Variants in ROR2 observed in about 807,000 individuals in gnomAD.
ROR2 encodes the protein tyrosine-protein kinase transmembrane receptor ROR2.
A neutral mutation model predicts 74.9 loss-of-function variants in ROR2; 33 were observed. The observed-to-expected ratio is 0.44, with a 90% CI of 0.33 to 0.59. The LOEUF (loss-of-function observed/expected upper bound fraction) is 0.59, where lower values mean the gene tolerates loss of function less well. Among genes scored for constraint, ROR2 ranks in the 20% least tolerant of loss-of-function variants. ROR2 has a pLI of 0.02. For synonymous variants in ROR2, 586 were observed against 558.7 expected (o/e 1.05, Z -0.69); for missense variants, 1,216 against 1,313.8 (o/e 0.93, Z 1.15).
chr9:91,761,269 T>C (rs1054079429), intron 2 of ROR2, among the ~76,000 whole-genome samples: 4 of 152,212 alleles, frequency 2.6e-5, no homozygotes, highest in Non-Finnish European at 4.4e-5. Context: ...GAAGATAATC[T>C]TTCCATGGCC....
intron 1 of ROR2, among the ~76,000 whole-genome samples, chr9:91,942,734 T>C (rs1831908262): frequency 6.6e-6 from 1 of 152,124 alleles, no homozygotes; most frequent in Non-Finnish European, 1.5e-5. Context: ...CTGGTGTCCT[T>C]ACAATAAAAG....
At chr9:91,889,072 T>C (rs1830358647) in intron 1 of ROR2, among the ~76,000 whole-genome samples, 1 of 152,218 alleles carries the variant, frequency 6.6e-6, no homozygotes, top group South Asian at 2.1e-4. Context: ...AATAGAGAGC[T>C]GGAGCTTCAT....
At chr9:91,758,862 G>A (rs538464037) in intron 2 of ROR2, among the ~76,000 whole-genome samples, 4 of 152,322 alleles carry the variant, frequency 2.6e-5, no homozygotes, top group South Asian at 4.1e-4. Context: ...TCAAGAGGCT[G>A]GAGAACTACT....
chr9:91,901,903 C>G (rs1166579174), intron 1 of ROR2, among the ~76,000 whole-genome samples: 1 of 151,802 alleles, frequency 6.6e-6, no homozygotes, highest in East Asian at 1.9e-4. Flanking sequence ...GTCAGTTGTA[C>G]CTTTGCCAGG....
intron 4 of ROR2, among the ~76,000 whole-genome samples, chr9:91,741,462 G>T (rs2118756136): frequency 6.6e-6 from 1 of 151,920 alleles, no homozygotes; most frequent in East Asian, 1.9e-4. Context: ...CTGGCAAGAT[G>T]GTGGGGATCC....
At chr9:91,912,555 T>A (rs940982371) in intron 1 of ROR2, among the ~76,000 whole-genome samples, 1 of 152,188 alleles carries the variant, frequency 6.6e-6, no homozygotes, top group Non-Finnish European at 1.5e-5. Context: ...ATTAAAAGTA[T>A]GCTTCTGTGT....
At chr9:91,890,151 G>A (rs1283537393) in intron 1 of ROR2, among the ~76,000 whole-genome samples, 1 of 152,186 alleles carries the variant, frequency 6.6e-6, no homozygotes, top group African/African-American at 2.4e-5. Context: ...CCCTCTTTCT[G>A]GAAGAAAGTC....
intron 1 of ROR2, among the ~76,000 whole-genome samples, chr9:91,925,418 A>T (rs1477483682): frequency 6.6e-6 from 1 of 152,036 alleles, no homozygotes; most frequent in East Asian, 1.9e-4. Context: ...TGCTCAGCAC[A>T]AGTGAGCTCA....
At chr9:91,794,881 G>A (rs1022541210) in intron 1 of ROR2, among the ~76,000 whole-genome samples, 5 of 151,982 alleles carry the variant, frequency 3.3e-5, no homozygotes, top group Non-Finnish European at 5.9e-5. Context: ...CAGCACTTTC[G>A]GAGGCCAAGG....
At chr9:91,736,787 G>A (rs1194212919) in intron 5 of ROR2, among the ~76,000 whole-genome samples, 1 of 152,204 alleles carries the variant, frequency 6.6e-6, no homozygotes, top group Non-Finnish European at 1.5e-5. Flanking sequence ...CCAAGGATGA[G>A]CAGCTGCAGT....
At chr9:91,949,714 G>T (rs1211158205) in intron 1 of ROR2, among the ~76,000 whole-genome samples, 153 bp downstream of exon 1, 1 of 151,638 alleles carries the variant, frequency 6.6e-6, no homozygotes, top group Non-Finnish European at 1.5e-5. Context: ...GGCCGGGAGC[G>T]GCGTCGGGCG....
At chr9:91,941,751 A>G (rs10116249) in intron 1 of ROR2, among the ~76,000 whole-genome samples, 73,876 of 141,504 alleles carry the variant, frequency 0.52, 21,344 homozygotes, top group African/African-American at 0.8. Context: ...CTGTCTCCCC[A>G]CCCCGCCCAG....
intron 1 of ROR2, among the ~76,000 whole-genome samples, chr9:91,879,768 G>C (rs1339859069): frequency 6.6e-6 from 1 of 151,842 alleles, no homozygotes; most frequent in South Asian, 2.1e-4. Flanking sequence ...AGCAGACTAA[G>C]TGAACACCTC....
chr9:91,845,426 C>T (rs1357095288), intron 1 of ROR2, among the ~76,000 whole-genome samples: 2 of 152,154 alleles, frequency 1.3e-5, no homozygotes, highest in Non-Finnish European at 2.9e-5. Context: ...ACCATCCCAT[C>T]TAATTCTTAC....
At chr9:91,746,232 A>G (rs1037490318) in intron 4 of ROR2, among the ~76,000 whole-genome samples, 1 of 151,962 alleles carries the variant, frequency 6.6e-6, no homozygotes, top group Non-Finnish European at 1.5e-5. Context: ...ACGCACCACC[A>G]CGCCTGGCTA....
At position 91,733,420 on chromosome 9, in the gene ROR2, G is replaced by A. The variant is rs1338704190; in HGVS notation, c.639C>T (p.Ile213=). 8 of 1,611,092 alleles carry A rather than the reference G, an allele frequency of 5.0e-6. No individual in the cohort carries two copies. The highest frequency in any genetic ancestry group is 6.8e-6 in the Non-Finnish European group (8 of 1,179,656). ...ENRITAAFTM[I]GTSTHLSDQC... Reference sequence around the variant, plus strand: ...GGTCCGACAGGTGCGTAGACGTGCCGATCATGGTGAAGGCCGCTGCAGAGC... The same window carrying A: ...GGTCCGACAGGTGCGTAGACGTGCCAATCATGGTGAAGGCCGCTGCAGAGC... Residue 213 remains isoleucine, a synonymous_variant, in exon 6 of 9, where the codon ATC becomes ATT. Transcript: ENST00000375708. The surrounding 1 kb of genome is among the most constrained non-coding windows in gnomAD (Gnocchi z 5.7).
chr9:91,770,815 G>A (rs556481279), intron 2 of ROR2, among the ~76,000 whole-genome samples: 1 of 152,298 alleles, frequency 6.6e-6, no homozygotes, highest in African/African-American at 2.4e-5. Context: ...CTCACTCTAT[G>A]TTAAACCTAA....
At chr9:91,928,890 A>T (rs1182320617) in intron 1 of ROR2, among the ~76,000 whole-genome samples, 1 of 152,218 alleles carries the variant, frequency 6.6e-6, no homozygotes, top group Non-Finnish European at 1.5e-5. Flanking sequence ...TTCAATAAAT[A>T]TCAGGACTGA....
chr9:91,802,004 C>T (rs1289556842), intron 1 of ROR2, among the ~76,000 whole-genome samples: 3 of 151,750 alleles, frequency 2.0e-5, no homozygotes, highest in Non-Finnish European at 4.4e-5. Context: ...GACTGACAGC[C>T]GAGCCCAAGC....
Sources: allele counts gnomAD v4.1 joint callset (sites outside exome capture counted in the v4.1 genomes callset), GRCh38; gene constraint gnomAD v4.1.1; non-coding constraint Gnocchi (gnomAD v3.1); transcripts MANE v1.5; gene names NCBI Gene and HGNC (gene_info 2026-07-23, HGNC 2026-07-21).